AGTPBP1: variants seen among roughly 807,000 people sequenced by gnomAD.
AGTPBP1 encodes ATP/GTP binding carboxypeptidase 1.
Under a neutral mutation model 143.9 loss-of-function variants are expected in AGTPBP1, and 70 were observed. The ratio of observed to expected loss-of-function variants is 0.49; its 90% confidence interval spans 0.40 to 0.59. The LOEUF is 0.59. Among genes scored for constraint, AGTPBP1 ranks in the 20% least tolerant of loss-of-function variants. AGTPBP1 has a pLI of 0.00. For missense variants in AGTPBP1, 1,229 were observed against 1,464.5 expected (o/e 0.84, Z 2.62); for synonymous variants, 463 against 500.2 (o/e 0.93, Z 0.99).
At chr9:85,650,283 A>G (rs1342657240) in intron 11 of AGTPBP1, among the ~76,000 whole-genome samples, 1 of 152,092 alleles carries the variant, frequency 6.6e-6, no homozygotes. Context: ...TGAACTGTGC[A>G]GGTTCGTTAA....
At chr9:85,562,773 T>A (rs1414860808) in intron 25 of AGTPBP1, among the ~76,000 whole-genome samples, 1 of 152,170 alleles carries the variant, frequency 6.6e-6, no homozygotes, top group African/African-American at 2.4e-5. Flanking sequence ...GTTCACAGTA[T>A]TGTAAAGAGT....
chr9:85,646,533 G>A (rs1587819566), intron 11 of AGTPBP1, 115 bp from the exon 12 acceptor site: 4 of 734,584 alleles, frequency 5.4e-6, no homozygotes, highest in Non-Finnish European at 6.7e-6. Flanking sequence ...AAAAGTAAAT[G>A]AGATTTCTTA....
chr9:85,791,810 A>G, the AGTPBP1 span, among the ~76,000 whole-genome samples: 1 of 151,406 alleles, frequency 6.6e-6, no homozygotes, highest in African/African-American at 2.4e-5. Context: ...TCCTTTTCCT[A>G]TGTTTACTAT....
chr9:85,586,727 A>C, intron 22 of AGTPBP1, 104 bp downstream of exon 22: 2 of 1,309,488 alleles, frequency 1.5e-6, no homozygotes, highest in South Asian at 2.9e-5. Flanking sequence ...GACAACTAAC[A>C]TAATGCATTA....
intron 14 of AGTPBP1, among the ~76,000 whole-genome samples, chr9:85,625,924 T>A (rs1831260277): frequency 6.7e-6 from 1 of 148,540 alleles, no homozygotes; most frequent in South Asian, 2.1e-4. Context: ...TTTTTTTTTT[T>A]AGGATATATG....
At chr9:85,736,197 T>C (rs1011518781) in intron 1 of AGTPBP1, among the ~76,000 whole-genome samples, 21 of 152,342 alleles carry the variant, frequency 1.4e-4, no homozygotes, top group African/African-American at 4.8e-4. Flanking sequence ...AGATTACTAA[T>C]ACTATAATCC....
At chr9:85,556,705 A>C (rs548051763) in intron 25 of AGTPBP1, among the ~76,000 whole-genome samples, 2 of 152,316 alleles carry the variant, frequency 1.3e-5, no homozygotes, top group East Asian at 3.9e-4. Context: ...CTTTAAAGCA[A>C]GAAGCATTAC....
the AGTPBP1 span, chr9:85,805,240 A>C: frequency 0.063 from 9,417 of 150,204 alleles, 1,147 homozygotes; most frequent in East Asian, 0.56. Flanking sequence ...AAATAAACAA[A>C]CCCCCGCGCT....
chr9:85,598,716 T>TTTA (rs1829455482), intron 17 of AGTPBP1, among the ~76,000 whole-genome samples: 1 of 152,258 alleles, frequency 6.6e-6, no homozygotes, highest in East Asian at 1.9e-4. Context: ...GACATTATTA[T>TTTA]TTATTATTAT....
chr9:85,638,853 T>G (rs1832260893), intron 13 of AGTPBP1, among the ~76,000 whole-genome samples: 1 of 151,956 alleles, frequency 6.6e-6, no homozygotes, highest in Admixed American at 6.6e-5. Context: ...AGTGAGAAAT[T>G]TTTTCATTGT....
At chr9:85,682,751 T>C (rs752269103) in intron 3 of AGTPBP1, among the ~76,000 whole-genome samples, 88 of 152,108 alleles carry the variant, frequency 5.8e-4, no homozygotes, top group Non-Finnish European at 1.1e-3. Context: ...TAAAGGAAAA[T>C]ATCAACACAG....
At chr9:85,658,430 G>C (rs1833663065) in intron 9 of AGTPBP1, among the ~76,000 whole-genome samples, 1 of 151,700 alleles carries the variant, frequency 6.6e-6, no homozygotes, top group African/African-American at 2.4e-5. Context: ...ATTAACCATA[G>C]GGCACATTTT....
chr9:85,715,192 G>C (rs1837626012), intron 1 of AGTPBP1, among the ~76,000 whole-genome samples: 1 of 151,734 alleles, frequency 6.6e-6, no homozygotes, highest in Non-Finnish European at 1.5e-5. Flanking sequence ...GTTGCTGTGA[G>C]CTGAGATCGC....
the AGTPBP1 span, among the ~76,000 whole-genome samples, chr9:85,792,755 A>G: frequency 1.5e-5 from 2 of 135,180 alleles, no homozygotes; most frequent in Non-Finnish European, 3.0e-5. Flanking sequence ...GTCTTACTTT[A>G]TCAAATAAAT....
chr9:85,792,139 A>T, the AGTPBP1 span: 1 of 152,178 alleles, frequency 6.6e-6, no homozygotes, highest in Non-Finnish European at 1.5e-5. Flanking sequence ...ACCTGTGTAT[A>T]AAAAAACTTT....
intron 1 of AGTPBP1, among the ~76,000 whole-genome samples, chr9:85,737,345 T>C (rs1823869946): frequency 6.6e-6 from 1 of 152,182 alleles, no homozygotes; most frequent in Non-Finnish European, 1.5e-5. Context: ...GAAAGAATGA[T>C]TGACAGACTA....
At chr9:85,793,351 A>C in the AGTPBP1 span, 2 of 152,302 alleles carry the variant, frequency 1.3e-5, no homozygotes, top group South Asian at 2.1e-4. Context: ...AATAAAAAGA[A>C]ATCAGTCCTC....
chr9:85,712,545 T>C lies in AGTPBP1; in HGVS notation c.-12A>G. On this transcript the variant is annotated 5_prime_UTR_variant, in exon 2 of 26. It removes the in-frame stop codon of an upstream open reading frame in the 5' UTR. Coordinates refer to ENST00000357081, the MANE Select transcript of AGTPBP1 (RefSeq NM_001330701.2). ...TTTAACTTGCTCATCTTGAGTTACT[T>C]CATTTCATAATTGCAGATAATCTAA... 6.7e-7 allele frequency: 1 copy of C among 1,484,362 alleles called. No individual in the cohort carries two copies. Among genetic ancestry groups the C allele is most frequent in the Non-Finnish European group, 9.1e-7 (1 of 1,103,062 alleles). 91.9% of individuals were successfully genotyped at this position (1,484,362 alleles called of 1,614,324 possible).
chr9:85,726,507 A>T (rs1838504584), intron 1 of AGTPBP1, among the ~76,000 whole-genome samples: 1 of 152,244 alleles, frequency 6.6e-6, no homozygotes, highest in Non-Finnish European at 1.5e-5. Context: ...GGAAAATTCC[A>T]GTAAGGTTGG....
Sources: gnomAD v4.1 joint callset for allele counts (sites outside exome capture counted in the v4.1 genomes callset) on GRCh38, gnomAD v4.1.1 for gene constraint, MANE v1.5 for transcripts, NCBI Gene and HGNC (gene_info 2026-07-23, HGNC 2026-07-21) for gene names.